DPP6: variants seen among roughly 807,000 people sequenced by gnomAD.
The protein encoded by DPP6 is dipeptidyl peptidase like 6, also known as A-type potassium channel modulatory protein DPP6.
A neutral mutation model predicts 122.6 loss-of-function variants in DPP6; 69 were observed. The observed-to-expected ratio is 0.56, with a 90% confidence interval of 0.46 to 0.69. The LOEUF (loss-of-function observed/expected upper bound fraction) is 0.69. Among genes scored for constraint, DPP6 ranks in the 30% least tolerant of loss-of-function variants. The pLI, the probability that DPP6 is intolerant of heterozygous loss-of-function variation, is 0.00. For missense variants in DPP6, 928 were observed against 1,116.9 expected, an observed-to-expected ratio of 0.83 and a Z score of 2.41; for synonymous variants, 418 against 433.1, an observed-to-expected ratio of 0.97 and a Z score of 0.43.
chr7:154,811,223 G>T (rs776476447), intron 16 of DPP6, among the ~76,000 whole-genome samples: 2 of 152,142 alleles, frequency 1.3e-5, no homozygotes, highest in Non-Finnish European at 2.9e-5. Context: ...TTCTGAAAAG[G>T]TTTAAATTTA....
Position 153,957,439 on chromosome 7 carries a change from C to T in DPP6, c.51+69705C>T, listed in dbSNP as rs1409449995. Among the ~76,000 whole-genome samples the T allele has an allele frequency of 2.0e-5, 3 of 152,198 alleles. No individual in the cohort carries two copies. In the East Asian group the frequency reaches 5.8e-4, roughly 29 times the overall value. Reference sequence around the variant, plus strand: ...TGAGCCTTCTCCGGCCTCTCAGACTCAGGCTTTCGGAGTTTTTGAATAAAC... The same window carrying T: ...TGAGCCTTCTCCGGCCTCTCAGACTTAGGCTTTCGGAGTTTTTGAATAAAC... On this transcript the variant is annotated intron_variant, in intron 1 of 25. Transcript: ENST00000404039.
the DPP6 span, among the ~76,000 whole-genome samples, chr7:153,841,157 T>C: frequency 6.6e-6 from 1 of 152,230 alleles, no homozygotes; most frequent in African/African-American, 2.4e-5. Flanking sequence ...ATGGATATTA[T>C]GTGATGATGG....
chr7:153,971,105 C>A (rs569101596), intron 1 of DPP6, among the ~76,000 whole-genome samples: 30 of 152,040 alleles, frequency 2.0e-4, no homozygotes, highest in East Asian at 5.8e-4. Flanking sequence ...AGTGTATTTG[C>A]GTGTAGATCT....
At chr7:154,361,051 G>A (rs767145305) in intron 1 of DPP6, among the ~76,000 whole-genome samples, 1 of 152,148 alleles carries the variant, frequency 6.6e-6, no homozygotes, top group Admixed American at 6.5e-5. Flanking sequence ...CCTATGAGAA[G>A]ATTTCAGCAT....
chr7:153,822,572 T>C, the DPP6 span, among the ~76,000 whole-genome samples: 2 of 152,342 alleles, frequency 1.3e-5, no homozygotes, highest in East Asian at 3.9e-4. Flanking sequence ...TCCATTTTCA[T>C]GTAAAAGCAG....
chr7:154,631,958 A>G (rs1041224199), intron 5 of DPP6, among the ~76,000 whole-genome samples: 1 of 152,180 alleles, frequency 6.6e-6, no homozygotes, highest in African/African-American at 2.4e-5. Flanking sequence ...CAATTTGCAA[A>G]TTGGGCAGCC....
chr7:154,104,185 G>A (rs1009469676), intron 1 of DPP6, among the ~76,000 whole-genome samples: 3 of 152,198 alleles, frequency 2.0e-5, no homozygotes, highest in Non-Finnish European at 2.9e-5. Context: ...TTCTGGAATC[G>A]CAGTCTCCTC....
chr7:154,091,129 A>T (rs1804801162), intron 1 of DPP6, among the ~76,000 whole-genome samples: 1 of 152,006 alleles, frequency 6.6e-6, no homozygotes, highest in Admixed American at 6.6e-5. Context: ...TCAAAAAAAA[A>T]AAAAAATCAA....
intron 21 of DPP6, chr7:154,884,934 A>G (rs1287397155): frequency 6.6e-6 from 1 of 152,510 alleles, no homozygotes; most frequent in Non-Finnish European, 1.5e-5. Context: ...ACACGCTGCC[A>G]CATGCTCTGT....
At chr7:153,973,470 A>G (rs919074297) in intron 1 of DPP6, among the ~76,000 whole-genome samples, 2 of 152,134 alleles carry the variant, frequency 1.3e-5, no homozygotes, top group African/African-American at 4.8e-5. Context: ...AAGATTGGGG[A>G]GGAATTCCTG....
At chr7:153,934,084 G>C (rs1399968739) in intron 1 of DPP6, among the ~76,000 whole-genome samples, 1 of 152,222 alleles carries the variant, frequency 6.6e-6, no homozygotes, top group Non-Finnish European at 1.5e-5. Context: ...CCCTGCTGTA[G>C]GGTGACGCCA....
At chr7:154,637,157 T>A (rs1318149163) in intron 5 of DPP6, among the ~76,000 whole-genome samples, 2 of 152,168 alleles carry the variant, frequency 1.3e-5, no homozygotes, top group Non-Finnish European at 2.9e-5. Flanking sequence ...ATTTCCTGGC[T>A]CAGGAGGTTA....
the DPP6 span, among the ~76,000 whole-genome samples, chr7:153,785,051 G>A: frequency 6.6e-6 from 1 of 152,280 alleles, no homozygotes; most frequent in East Asian, 1.9e-4. Flanking sequence ...ATCAATAGTA[G>A]ATTATAGGGT....
intron 1 of DPP6, among the ~76,000 whole-genome samples, chr7:154,237,873 T>A (rs749481215): frequency 7.2e-5 from 11 of 152,170 alleles, no homozygotes; most frequent in Non-Finnish European, 2.9e-5. Context: ...AGGGGAGCCC[T>A]GGGAGCGTGT....
chr7:153,934,142 A>G (rs758317), intron 1 of DPP6, among the ~76,000 whole-genome samples: 144,390 of 152,204 alleles, frequency 0.95, 68,518 homozygotes, highest in East Asian at 1. Flanking sequence ...CTGAAGTGTG[A>G]GGGATTCAGG....
intron 3 of DPP6, among the ~76,000 whole-genome samples, chr7:154,491,592 G>T (rs1824284507): frequency 6.6e-6 from 1 of 152,018 alleles, no homozygotes; most frequent in Non-Finnish European, 1.5e-5. Flanking sequence ...TTTTGAATCA[G>T]TCCTTGAGAC....
intron 1 of DPP6, among the ~76,000 whole-genome samples, chr7:154,429,254 T>C (rs1818164287): frequency 6.6e-6 from 1 of 151,996 alleles, no homozygotes; most frequent in Non-Finnish European, 1.5e-5. Flanking sequence ...TCCATCCAGC[T>C]GGTCAGTGGA....
chr7:154,737,487 C>CTGTTATTTT (rs1243307209), intron 8 of DPP6, among the ~76,000 whole-genome samples: 2 of 152,244 alleles, frequency 1.3e-5, no homozygotes, highest in East Asian at 3.9e-4. Context: ...TATGGTCACA[C>CTGTTATTTT]TGTTATTTTT....
Position 153,957,522 on chromosome 7 carries a change from G to C in DPP6, c.51+69788G>C, listed in dbSNP as rs557719905. ...TTGGAGCAGTAAAGCTGATGGGACT[G>C]TTTTTCATATGAGATGCAAACTCCT... On this transcript the variant is annotated intron_variant, in intron 1 of 25. Coordinates refer to the DPP6 transcript ENST00000404039. Among the ~76,000 whole-genome samples the C allele has an allele frequency of 4.6e-5, 7 of 152,306 alleles. No individual in the cohort carries two copies. In the South Asian group the frequency reaches 1.2e-3, roughly 27 times the overall value.
Sources: allele counts gnomAD v4.1 joint callset (sites outside exome capture counted in the v4.1 genomes callset), GRCh38; gene constraint gnomAD v4.1.1; transcripts MANE v1.5; gene names NCBI Gene and HGNC (gene_info 2026-07-23, HGNC 2026-07-21).